Variants in COLEC11 observed in about 807,000 individuals in gnomAD.
The protein encoded by COLEC11 is collectin subfamily member 11.
COLEC11 carries 20 observed loss-of-function variants against 27.3 expected under a neutral mutation model. That is an observed-to-expected ratio of 0.73 (90% CI 0.51 to 1.06). COLEC11 has a LOEUF of 1.06. Among genes scored for constraint, COLEC11 ranks in the 50% least tolerant of loss-of-function variants. COLEC11 has a pLI of 0.00. For synonymous variants in COLEC11, 163 were observed against 154.7 expected (o/e 1.05, Z -0.40); for missense variants, 310 against 383.0 (o/e 0.81, Z 1.59).
intron 1 of COLEC11, among the ~76,000 whole-genome samples, chr2:3,597,511 C>T (rs1661932802): frequency 6.6e-6 from 1 of 152,210 alleles, no homozygotes; most frequent in Non-Finnish European, 1.5e-5. Context: ...TCACTACTCA[C>T]CCCTTTTCTT....
At chr2:3,612,198 A>T (rs1353424601) in intron 2 of COLEC11, among the ~76,000 whole-genome samples, 4 of 151,878 alleles carry the variant, frequency 2.6e-5, no homozygotes, top group Admixed American at 2.0e-4. Context: ...ATACACGTGC[A>T]CACCTATGCA....
Position 3,602,936 on chromosome 2 carries a change from T to C in COLEC11, c.-26-1379T>C, listed in dbSNP as rs1180246033. Among the ~76,000 whole-genome samples the C allele has an allele frequency of 2.0e-5, 3 of 152,264 alleles. No homozygotes were observed. The highest frequency in any genetic ancestry group is 7.2e-5 in the African/African-American group (3 of 41,478). On this transcript the variant is annotated intron_variant, in intron 1 of 6. Coordinates refer to ENST00000349077, the MANE Select transcript of COLEC11 (RefSeq NM_024027.5). This position sits in a 1 kb window ranked among gnomAD's most constrained non-coding sequence, Gnocchi z 6.2. ...CTGCCTCTGTCTGTCTCTGTCTGTC[T>C]GTCTGTCTGTCTCTTCCAATAGGAA... is the stretch of plus-strand genomic sequence containing the variant.
At position 3,602,177 on chromosome 2, in the gene COLEC11, A is replaced by G. The variant is rs1662280699; in HGVS notation, c.-26-2138A>G. On this transcript the variant is annotated intron_variant, in intron 1 of 6. Coordinates refer to ENST00000349077, the MANE Select transcript of COLEC11 (RefSeq NM_024027.5). This position sits in a 1 kb window ranked among gnomAD's most constrained non-coding sequence, Gnocchi z 6.2. ...CCCCCACCACAGATGGCCTTTCTCTAGCAGCTAAGGTGACCTTCATTTTGG... is the reference window on the plus strand; with the variant it reads ...CCCCCACCACAGATGGCCTTTCTCTGGCAGCTAAGGTGACCTTCATTTTGG... 6.6e-6 allele frequency among the ~76,000 whole-genome samples: 1 copy of G among 152,106 alleles called. No homozygotes were observed. The highest frequency in any genetic ancestry group is 1.5e-5 in the Non-Finnish European group (1 of 68,026).
chr2:3,637,555 G>A lies in COLEC11; in HGVS notation c.225G>A (p.Gln75=), dbSNP rs1215489942. Residue 75 remains glutamine, a synonymous_variant, in exon 4 of 7, where the codon CAG becomes CAA. Coordinates refer to ENST00000349077, the MANE Select transcript of COLEC11 (RefSeq NM_024027.5). ...GEKGDMGDKG[Q]KGSVGRHGKI... is the part of the protein sequence containing the mutation. Reference sequence around the variant, plus strand: ...CAGGAGACATGGGGGACAAAGGACAGAAAGGCAGTGTGGGTCGTCATGGAA... The same window carrying A: ...CAGGAGACATGGGGGACAAAGGACAAAAAGGCAGTGTGGGTCGTCATGGAA... 6 of 1,614,064 alleles carry A rather than the reference G, an allele frequency of 3.7e-6. No individual in the cohort carries two copies. In the African/African-American group the frequency reaches 6.7e-5, roughly 18 times the overall value.
At chr2:3,606,346 C>G in intron 2 of COLEC11, 1 of 977,906 alleles carries the variant, frequency 1.0e-6, no homozygotes, top group South Asian at 1.5e-5. Context: ...CAGCTGTCCA[C>G]GTCCTGGGTC....
chr2:3,604,709 G>T lies in COLEC11; in HGVS notation c.130+239G>T, dbSNP rs546611451. ...ATTTATTTGCAACTCAGCCCTCTCC[G>T]GGGGGACCTTGCTGGAAGGCACCTG... On this transcript the variant is annotated intron_variant, in intron 2 of 6. Coordinates refer to ENST00000349077, the MANE Select transcript of COLEC11 (RefSeq NM_024027.5). Among the ~76,000 whole-genome samples the T allele has an allele frequency of 1.5e-4, 23 of 152,222 alleles. No individual in the cohort carries two copies. The South Asian group carries it at 4.6e-3, about 30-fold the overall frequency.
At chr2:3,595,749 A>G (rs781400726) in intron 1 of COLEC11, among the ~76,000 whole-genome samples, 1 of 152,190 alleles carries the variant, frequency 6.6e-6, no homozygotes, top group Admixed American at 6.5e-5. Context: ...CAAAATTGGA[A>G]AGGAGGAAAG....
intron 2 of COLEC11, among the ~76,000 whole-genome samples, chr2:3,604,672 C>T (rs1662496887): frequency 6.6e-6 from 1 of 152,334 alleles, no homozygotes; most frequent in East Asian, 1.9e-4. Flanking sequence ...ATTCCTAATT[C>T]TGAAGATGGC....
Position 3,644,186 on chromosome 2 carries a change from G to C in COLEC11, c.*68G>C, listed in dbSNP as rs1666105270. ...GCAGGGTTGGCAGGGACAGAGCCCA[G>C]ACCATGGTGCCAGCCAGGGAGCTGT... On this transcript the variant is annotated 3_prime_UTR_variant, in exon 7 of 7. Coordinates refer to ENST00000349077, the MANE Select transcript of COLEC11 (RefSeq NM_024027.5). The C allele has an allele frequency of 6.3e-7, 1 of 1,587,322 alleles. No individual in the cohort carries two copies.
chr2:3,603,518 T>C (rs1662395210), intron 1 of COLEC11: 4 of 799,578 alleles, frequency 5.0e-6, no homozygotes, highest in Non-Finnish European at 8.5e-6. Context: ...GGTTTCACCA[T>C]GTTGTCCAGA....
At chr2:3,616,849 A>C (rs1356678951) in intron 3 of COLEC11, among the ~76,000 whole-genome samples, 3 of 152,124 alleles carry the variant, frequency 2.0e-5, no homozygotes, top group African/African-American at 7.2e-5. Flanking sequence ...GAACATTCTT[A>C]TTTCACTTAG....
Position 3,615,811 on chromosome 2 carries a change from CCCCCA to C in COLEC11, c.202+2432_202+2436del, listed in dbSNP as rs1663642394. 7.8e-5 allele frequency among the ~76,000 whole-genome samples: 2 copies of C among 25,632 alleles called. 1 individual carries two copies. The highest frequency in any genetic ancestry group is 1.7e-4 in the African/African-American group (2 of 11,980). 16.8% of individuals were successfully genotyped at this position (25,632 alleles called of 152,430 possible). On this transcript the variant is annotated intron_variant, in intron 3 of 6. Coordinates refer to ENST00000349077, the MANE Select transcript of COLEC11 (RefSeq NM_024027.5). ...GGGCGGCTGGCCAGGCAGGGGCTGC[CCCCCA>C]CCTCCCTCCCGGACGCGGCGGCTGG...
chr2:3,630,065 T>C (rs1480074335), intron 3 of COLEC11, among the ~76,000 whole-genome samples: 1 of 52,180 alleles, frequency 1.9e-5, no homozygotes, highest in Non-Finnish European at 4.0e-5. Flanking sequence ...TGTTTGCATA[T>C]TGCATATCTG....
chr2:3,604,708 C>T (rs528244959), intron 2 of COLEC11, among the ~76,000 whole-genome samples: 4 of 152,268 alleles, frequency 2.6e-5, no homozygotes, highest in East Asian at 1.9e-4. Flanking sequence ...CAGCCCTCTC[C>T]GGGGGGACCT....
chr2:3,605,341 G>A (rs1406244039), intron 2 of COLEC11, among the ~76,000 whole-genome samples: 1 of 61,518 alleles, frequency 1.6e-5, no homozygotes, highest in Non-Finnish European at 3.5e-5. Context: ...AGGAGGGGGC[G>A]GGGGAGTCAC....
At chr2:3,603,214 G>GTCCCTCTCTCCCCTCCTGTCCCTT (rs1662368011) in intron 1 of COLEC11, among the ~76,000 whole-genome samples, 2 of 152,164 alleles carry the variant, frequency 1.3e-5, no homozygotes. Context: ...CTTCTGGCCT[G>GTCCCTCTCTCCCCTCCTGTCCCTT]TCCCTCTCTC....
rs534653416 is a variant in COLEC11 at position 3,631,723 on chromosome 2, A to G, written c.203-5810A>G. Among the ~76,000 whole-genome samples the G allele has an allele frequency of 3.4e-3, 508 of 149,492 alleles. 6 individuals are homozygous for G. The highest frequency in any genetic ancestry group is 0.012 in the African/African-American group (474 of 40,056). The stretch of plus-strand genomic sequence containing the variant: ...GGGGCTCTGCTCGGAGGGGGCCCCT[A>G]CTCGGAGGGGACTCTGCTCGGAGGG... On this transcript the variant is annotated intron_variant, in intron 3 of 6. Coordinates refer to ENST00000349077, the MANE Select transcript of COLEC11 (RefSeq NM_024027.5).
At chr2:3,638,493 C>G (rs1665603958) in intron 4 of COLEC11, among the ~76,000 whole-genome samples, 1 of 152,198 alleles carries the variant, frequency 6.6e-6, no homozygotes, top group Non-Finnish European at 1.5e-5. Flanking sequence ...GGGCCAGGTT[C>G]TTCTACCTCA....
chr2:3,605,934 C>T (rs1572394418), intron 2 of COLEC11: 1 of 874,552 alleles, frequency 1.1e-6, no homozygotes, highest in East Asian at 3.0e-5. Context: ...GTGGACTGTC[C>T]TGCAGCCCAG....
Sources: gnomAD v4.1 joint callset for allele counts (sites outside exome capture counted in the v4.1 genomes callset) on GRCh38, gnomAD v4.1.1 for gene constraint, Gnocchi (gnomAD v3.1) non-coding constraint, MANE v1.5 for transcripts, NCBI Gene and HGNC (gene_info 2026-07-23, HGNC 2026-07-21) for gene names.